The following COL11A1 variants were observed in gnomAD, a reference collection of about 807,000 sequenced individuals.
COL11A1 encodes the protein collagen type XI alpha 1 chain.
A neutral mutation model predicts 265.2 loss-of-function variants in COL11A1; 74 were observed. The ratio of observed to expected loss-of-function variants is 0.28; its 90% CI spans 0.23 to 0.34. The LOEUF (loss-of-function observed/expected upper bound fraction) is 0.34. Among genes scored for constraint, COL11A1 ranks in the 10% least tolerant of loss-of-function variants. COL11A1 has a pLI of 1.00. For missense variants in COL11A1, 2,165 were observed against 2,263.6 expected (o/e 0.96, Z 0.88); for synonymous variants, 816 against 727.6 (o/e 1.12, Z -1.96).
At chr1:103,102,430 A>G (rs768699950) in intron 1 of COL11A1, among the ~76,000 whole-genome samples, 10 of 151,980 alleles carry the variant, frequency 6.6e-5, no homozygotes, top group Non-Finnish European at 5.9e-5. Context: ...TTGCTAAGGA[A>G]CAAAACTTGA....
intron 46 of COL11A1, among the ~76,000 whole-genome samples, chr1:102,931,940 G>T (rs1454323827): frequency 2.0e-5 from 3 of 150,774 alleles, no homozygotes; most frequent in Non-Finnish European, 4.4e-5. Context: ...TTTTCCATTT[G>T]CTTGGTAGAT....
chr1:103,032,872 T>A (rs1049336349), intron 4 of COL11A1, among the ~76,000 whole-genome samples: 1 of 152,170 alleles, frequency 6.6e-6, no homozygotes, highest in Non-Finnish European at 1.5e-5. Flanking sequence ...AAATCAATTA[T>A]AATGGATTTA....
Position 103,082,920 on chromosome 1 carries a change from T to C in COL11A1, c.159A>G (p.Gly53=). The part of the protein sequence containing the change: ...KALDFHNSPE[G]ISKTTGFCTN... ...TGCAAAATCCCGTTGTTTTTGATAT[T>C]CCCTCTGGAGAATTGTGAAAATCTA... is the stretch of plus-strand genomic sequence containing the variant. The change falls in exon 2 of 67, where the codon GGA becomes GGG. Residue 53 remains glycine, a synonymous_variant. Transcript: ENST00000370096. The C allele has an allele frequency of 1.2e-6, 2 of 1,613,530 alleles. No homozygotes were observed. Among genetic ancestry groups the C allele is most frequent in the African/African-American group, 2.7e-5 (2 of 74,994 alleles).
At chr1:102,913,791 T>C in intron 52 of COL11A1, 101 bp from the exon 53 acceptor site, 2 of 1,026,124 alleles carry the variant, frequency 1.9e-6, no homozygotes, top group Admixed American at 3.6e-5. Flanking sequence ...TTGAGAAAAA[T>C]TATCAGATGG....
intron 46 of COL11A1, among the ~76,000 whole-genome samples, chr1:102,926,867 G>A (rs781144193): frequency 6.6e-6 from 1 of 152,032 alleles, no homozygotes; most frequent in Admixed American, 6.6e-5. Context: ...CACACATATT[G>A]ATATGTGGTA....
chr1:103,060,596 A>G (rs1263305184), intron 4 of COL11A1, among the ~76,000 whole-genome samples: 5 of 152,300 alleles, frequency 3.3e-5, no homozygotes, highest in Middle Eastern at 6.8e-3. Context: ...ATTTTATAAG[A>G]TACTTGCTTG....
intron 4 of COL11A1, among the ~76,000 whole-genome samples, chr1:103,072,672 T>G (rs78395916): frequency 6.6e-6 from 1 of 151,788 alleles, no homozygotes; most frequent in African/African-American, 2.4e-5. Context: ...TTTCTAAATT[T>G]GGACTAAACA....
intron 54 of COL11A1, among the ~76,000 whole-genome samples, chr1:102,909,466 G>T (rs1054945246): frequency 2.7e-4 from 41 of 152,072 alleles, no homozygotes; most frequent in Non-Finnish European, 4.3e-4. Context: ...AAAAAAGGAT[G>T]CTTCATGTTC....
chr1:102,889,904 C>G (rs1173328089), intron 58 of COL11A1, among the ~76,000 whole-genome samples: 1 of 151,992 alleles, frequency 6.6e-6, no homozygotes, highest in Non-Finnish European at 1.5e-5. Flanking sequence ...ACAGAAAACT[C>G]ATTATTTTAA....
At chr1:103,091,763 A>C (rs2102371042) in intron 1 of COL11A1, among the ~76,000 whole-genome samples, 2 of 152,238 alleles carry the variant, frequency 1.3e-5, no homozygotes, top group South Asian at 2.1e-4. Flanking sequence ...GTTGGCATAA[A>C]ATGGCTTAAG....
chr1:103,001,879 A>G, intron 24 of COL11A1, 46 bp downstream of exon 24: 1 of 1,587,864 alleles, frequency 6.3e-7, no homozygotes, highest in Non-Finnish European at 8.6e-7. Context: ...AGATTGCTAA[A>G]ACAAACATGT....
intron 66 of COL11A1, 129 bp from the exon 67 acceptor site, chr1:102,878,294 A>G: frequency 1.4e-6 from 1 of 731,500 alleles, no homozygotes; most frequent in Non-Finnish European, 2.2e-6. Context: ...CAAATTTTCT[A>G]TTATCTATGT....
chr1:102,998,208 A>G (rs768360854), intron 25 of COL11A1, 102 bp downstream of exon 25: 394 of 991,612 alleles, frequency 4.0e-4, no homozygotes, highest in Non-Finnish European at 5.5e-4. Flanking sequence ...GGCTCAATTT[A>G]TTTTTATTAC....
chr1:103,062,895 T>C (rs767214026), intron 4 of COL11A1, among the ~76,000 whole-genome samples: 7 of 151,940 alleles, frequency 4.6e-5, no homozygotes, highest in Non-Finnish European at 1.0e-4. Context: ...TGTTACAAGG[T>C]TGTGTATACA....
chr1:103,104,215 C>A (rs1427407632), intron 1 of COL11A1, among the ~76,000 whole-genome samples: 1 of 151,954 alleles, frequency 6.6e-6, no homozygotes, highest in African/African-American at 2.4e-5. Flanking sequence ...TCCTTGTTAT[C>A]ATGAAATAGC....
intron 41 of COL11A1, among the ~76,000 whole-genome samples, chr1:102,960,028 T>G (rs1660746969): frequency 6.6e-6 from 1 of 152,150 alleles, no homozygotes; most frequent in African/African-American, 2.4e-5. Context: ...AAATAAGAAC[T>G]TTTGTCTTAT....
At chr1:102,994,244 A>G (rs1432505318) in intron 28 of COL11A1, among the ~76,000 whole-genome samples, 2 of 152,148 alleles carry the variant, frequency 1.3e-5, no homozygotes, top group East Asian at 3.9e-4. Context: ...TTACCCACCC[A>G]AATCTCATGT....
At position 102,988,143 on chromosome 1, in the gene COL11A1, T is replaced by A. The variant is rs146085816; in HGVS notation, c.2395-403A>T. On this transcript the variant is annotated intron_variant, in intron 29 of 66. Transcript: ENST00000370096. ...AGAACATAAGATTAGCCTTTTGAGATGTCTTTTCAGACTTTTGCATTTCTG... is the reference window on the plus strand; with the variant it reads ...AGAACATAAGATTAGCCTTTTGAGAAGTCTTTTCAGACTTTTGCATTTCTG... Among the ~76,000 whole-genome samples, 22 of 152,240 alleles carry A rather than the reference T, an allele frequency of 1.4e-4. 1 individual carries two copies. In the East Asian group the frequency reaches 4.1e-3, roughly 28 times the overall value.
chr1:103,014,743 T>G, intron 12 of COL11A1, 149 bp from the exon 13 acceptor site: 1 of 703,438 alleles, frequency 1.4e-6, no homozygotes. Flanking sequence ...TGAGATCTAG[T>G]TTGTATTGTT....
Sources: allele counts gnomAD v4.1 joint callset (sites outside exome capture counted in the v4.1 genomes callset), GRCh38; gene constraint gnomAD v4.1.1; transcripts MANE v1.5; gene names NCBI Gene and HGNC (gene_info 2026-07-23, HGNC 2026-07-21).